The following STAG1 variants were observed in gnomAD, a reference collection of about 807,000 sequenced individuals.
STAG1 encodes STAG1 cohesin complex component, also known as cohesin subunit SA-1.
In STAG1, 26 loss-of-function variants were observed where a neutral mutation model predicts 170.9. The observed-to-expected ratio is 0.15, with a 90% CI of 0.11 to 0.21. The LOEUF is 0.21. Ranked by LOEUF, STAG1 falls within the 10% of genes least tolerant of loss-of-function variation. The pLI is 1.00. For missense variants in STAG1, 964 were observed against 1,509.5 expected, an observed-to-expected ratio of 0.64 and a Z score of 5.99; for synonymous variants, 514 against 497.7, an observed-to-expected ratio of 1.03 and a Z score of -0.44.
At chr3:136,679,368 T>A (rs1942253832) in intron 1 of STAG1, among the ~76,000 whole-genome samples, 2 of 151,454 alleles carry the variant, frequency 1.3e-5, no homozygotes, top group African/African-American at 4.9e-5. Flanking sequence ...TTCCTTGAGG[T>A]CAGGAGTTCG....
At chr3:136,487,007 A>C (rs2090029366) in intron 9 of STAG1, among the ~76,000 whole-genome samples, 1 of 65,838 alleles carries the variant, frequency 1.5e-5, no homozygotes, top group Non-Finnish European at 4.1e-5. Context: ...TTCAAAAAAA[A>C]AAAAAAAAAA....
intron 12 of STAG1, among the ~76,000 whole-genome samples, chr3:136,466,099 T>TC (rs1471947998): frequency 6.6e-6 from 1 of 151,988 alleles, no homozygotes; most frequent in Non-Finnish European, 1.5e-5. Context: ...AGATCGCCTC[T>TC]CCCCCTCCAA....
chr3:136,488,764 A>G (rs887947885), intron 9 of STAG1, among the ~76,000 whole-genome samples: 2 of 152,248 alleles, frequency 1.3e-5, no homozygotes, highest in African/African-American at 4.8e-5. Context: ...GAGATACAGT[A>G]TAAAATAAAA....
intron 1 of STAG1, among the ~76,000 whole-genome samples, chr3:136,685,318 A>AAAAC (rs142305961): frequency 0.012 from 1,775 of 151,782 alleles, 33 homozygotes; most frequent in African/African-American, 0.031. Context: ...TTCCTCTCCA[A>AAAAC]AAACAAACAA....
chr3:136,721,450 C>T (rs1299245223), intron 1 of STAG1: 1 of 152,162 alleles, frequency 6.6e-6, no homozygotes, highest in Non-Finnish European at 1.5e-5. Flanking sequence ...CCATGCTAAT[C>T]TCTATATGGT....
chr3:136,362,392 G>A (rs1017747074), intron 26 of STAG1, among the ~76,000 whole-genome samples: 1 of 151,954 alleles, frequency 6.6e-6, no homozygotes, highest in African/African-American at 2.4e-5. Context: ...ATGTAGGACT[G>A]AAAATATTTC....
intron 31 of STAG1, 30 bp from the exon 32 acceptor site, chr3:136,340,635 T>TC: frequency 7.1e-7 from 1 of 1,415,662 alleles, no homozygotes; most frequent in Non-Finnish European, 1.0e-6. Flanking sequence ...GTCAGAAAGC[T>TC]CATCAGACTC....
chr3:136,542,232 A>C, intron 5 of STAG1, 37 bp from the exon 6 acceptor site: 1 of 1,462,102 alleles, frequency 6.8e-7, no homozygotes, highest in South Asian at 1.1e-5. Context: ...TCTTTCAATT[A>C]ATCTTTCAGA....
intron 3 of STAG1, among the ~76,000 whole-genome samples, chr3:136,610,747 GA>G (rs904573881): frequency 3.3e-5 from 5 of 151,446 alleles, no homozygotes; most frequent in African/African-American, 9.7e-5. Context: ...AATTATGAAA[GA>G]AAAAAAACAC....
chr3:136,472,810 A>G (rs2089659544), intron 11 of STAG1, among the ~76,000 whole-genome samples: 1 of 152,202 alleles, frequency 6.6e-6, no homozygotes, highest in Non-Finnish European at 1.5e-5. Context: ...AAGGTAATAA[A>G]TAAGAACTCA....
At position 136,396,520 on chromosome 3, in the gene STAG1, CTTTTTTTT is replaced by C. The variant is rs146270857; in HGVS notation, c.2277+2221_2277+2228del. Among the ~76,000 whole-genome samples, 274 of 43,660 alleles carry C rather than the reference CTTTTTTTT, an allele frequency of 6.3e-3. 4 individuals carry two copies. Among genetic ancestry groups the C allele is most frequent in the African/African-American group, 0.029 (255 of 8,646 alleles). The allele number at this position is 43,660 out of a possible 152,430, so 28.6% of individuals were successfully genotyped here. A position where few individuals can be genotyped will look rare whatever the true frequency, so the allele number is the denominator to read the frequency against. ...ACAGGCGTGAGCCACCGCGCCTGGCCTTTTTTTTTTTTTTTTTTTTTTTTTTGGAGACA... is the reference window on the plus strand; with the variant it reads ...ACAGGCGTGAGCCACCGCGCCTGGCCTTTTTTTTTTTTTTTTTTGGAGACA... On this transcript the variant is annotated intron_variant, in intron 22 of 33. Transcript: ENST00000383202.
chr3:136,506,685 T>C (rs893346667), intron 7 of STAG1, among the ~76,000 whole-genome samples: 1 of 148,664 alleles, frequency 6.7e-6, no homozygotes, highest in African/African-American at 2.5e-5. Flanking sequence ...AAAAAGAATA[T>C]ACTGCTGAAA....
At position 136,476,705 on chromosome 3, in the gene STAG1, T is replaced by C. The variant is rs150619835; in HGVS notation, c.1026+584A>G. Reference sequence around the variant, plus strand: ...TAAGTGCTCTACTTTGGGGCTCTAATATACTCTAATATTATTTCTATTACA... The same window carrying C: ...TAAGTGCTCTACTTTGGGGCTCTAACATACTCTAATATTATTTCTATTACA... On this transcript the variant is annotated intron_variant, in intron 10 of 33. Coordinates refer to ENST00000383202, the MANE Select transcript of STAG1 (RefSeq NM_005862.3). Among the ~76,000 whole-genome samples, 1,188 of 152,282 alleles carry C rather than the reference T, an allele frequency of 7.8e-3. 11 individuals are homozygous for C. The highest frequency in any genetic ancestry group is 0.014 in the Non-Finnish European group (927 of 68,028).
chr3:136,588,680 T>G (rs1576638077), intron 4 of STAG1, among the ~76,000 whole-genome samples: 1 of 151,414 alleles, frequency 6.6e-6, no homozygotes, highest in Non-Finnish European at 1.5e-5. Flanking sequence ...CAGGCTGGAG[T>G]GCAGTGGCGC....
chr3:136,699,998 ACTATTCACAGCC>A (rs1289787235), intron 1 of STAG1, among the ~76,000 whole-genome samples: 1 of 151,968 alleles, frequency 6.6e-6, no homozygotes, highest in Non-Finnish European at 1.5e-5. Context: ...TATGCCTATT[ACTATTCACAGCC>A]CTCTGTTCTT....
intron 7 of STAG1, among the ~76,000 whole-genome samples, chr3:136,505,854 C>T (rs1388130319): frequency 2.0e-5 from 3 of 152,180 alleles, no homozygotes; most frequent in East Asian, 1.9e-4. Context: ...GGAATGGTCA[C>T]ATGATTCCAC....
At chr3:136,663,782 T>A (rs1327231004) in intron 1 of STAG1, among the ~76,000 whole-genome samples, 1 of 151,750 alleles carries the variant, frequency 6.6e-6, no homozygotes, top group Non-Finnish European at 1.5e-5. Flanking sequence ...AACTCAGAAA[T>A]CAAATCATAA....
chr3:136,395,986 C>T (rs1264515023), intron 22 of STAG1, among the ~76,000 whole-genome samples: 1 of 152,122 alleles, frequency 6.6e-6, no homozygotes, highest in Non-Finnish European at 1.5e-5. Context: ...TCACTGCAAC[C>T]TCTAGCTCCC....
At chr3:136,346,396 A>G (rs1198842406) in intron 29 of STAG1, among the ~76,000 whole-genome samples, 2 of 152,216 alleles carry the variant, frequency 1.3e-5, no homozygotes, top group African/African-American at 4.8e-5. Context: ...TCTCATTTTC[A>G]TCTCTGAAGG....
Sources: allele counts gnomAD v4.1 joint callset (sites outside exome capture counted in the v4.1 genomes callset), GRCh38; gene constraint gnomAD v4.1.1; transcripts MANE v1.5; gene names NCBI Gene and HGNC (gene_info 2026-07-23, HGNC 2026-07-21).